PLSCR2: variants seen among roughly 807,000 people sequenced by gnomAD.
PLSCR2 encodes the protein phospholipid scramblase 2.
Under a neutral mutation model 25.3 loss-of-function variants are expected in PLSCR2, and 18 were observed. The observed-to-expected ratio is 0.71, with a 90% CI of 0.49 to 1.06. The LOEUF is 1.06. PLSCR2 is among the 50% of genes least tolerant of loss of function. The probability of loss-of-function intolerance (pLI) is 0.00; values close to 1 mark genes in which losing one functional copy is unlikely to be tolerated. For synonymous variants in PLSCR2, 88 were observed against 87.3 expected (o/e 1.01, Z -0.04); for missense variants, 243 against 269.5 (o/e 0.90, Z 0.69).
intron 1 of PLSCR2, among the ~76,000 whole-genome samples, chr3:146,467,967 G>C (rs1347425661): frequency 6.6e-6 from 1 of 152,072 alleles, no homozygotes; most frequent in Non-Finnish European, 1.5e-5. Context: ...GGTGCACAAG[G>C]GCCAGTTCAC....
chr3:146,460,337 G>C (rs1466735601), exon 1 of PLSCR2: 5 of 469,488 alleles, frequency 1.1e-5, no homozygotes, highest in African/African-American at 1.0e-4. Flanking sequence ...AACTCAGATA[G>C]AAAATATGCT....
intron 1 of PLSCR2, among the ~76,000 whole-genome samples, chr3:146,467,741 G>A (rs2041933276): frequency 6.6e-6 from 1 of 152,020 alleles, no homozygotes; most frequent in Non-Finnish European, 1.5e-5. Flanking sequence ...TTGGAGTAGT[G>A]GTGGCATTGT....
At chr3:146,423,234 CCTCT>C (rs200145864) in intron 2 of PLSCR2, among the ~76,000 whole-genome samples, 1,086 of 53,456 alleles carry the variant, frequency 0.02, 32 homozygotes, top group African/African-American at 0.059. Flanking sequence ...CCTTGCAGTG[CCTCT>C]CTCTCTCTCT....
downstream of PLSCR2, among the ~76,000 whole-genome samples, chr3:146,431,819 C>T (rs750138878): frequency 6.7e-6 from 1 of 149,992 alleles, no homozygotes; most frequent in Admixed American, 6.7e-5. Flanking sequence ...ACACAATTCA[C>T]AGGCCAAAAG....
At position 146,483,475 on chromosome 3, in the gene PLSCR2, A is replaced by ACG. The variant is rs1553791503; in HGVS notation, c.-293+12419_-293+12420insCG. On this transcript the variant is annotated intron_variant, in intron 1 of 8. Coordinates refer to the PLSCR2 transcript ENST00000336685. ...TATGTATATATATATATATATATAC[A>ACG]TGTGTATATATATATATATATATAT... Among the ~76,000 whole-genome samples the ACG allele has an allele frequency of 1.6e-3, 64 of 39,828 alleles. 3 individuals carry two copies. The highest frequency in any genetic ancestry group is 6.0e-3 in the African/African-American group (46 of 7,708). The allele number at this position is 39,828 out of a possible 152,430, so 26.1% of individuals were successfully genotyped here.
chr3:146,471,405 G>A (rs2042116171), intron 1 of PLSCR2, among the ~76,000 whole-genome samples: 1 of 151,822 alleles, frequency 6.6e-6, no homozygotes. Context: ...TGAGATTGAG[G>A]ACTTTTTCAT....
At chr3:146,483,315 G>A (rs2903690) in intron 1 of PLSCR2, among the ~76,000 whole-genome samples, 44,339 of 142,146 alleles carry the variant, frequency 0.31, 7,261 homozygotes, top group South Asian at 0.4. Context: ...ATAGCATTAG[G>A]AGAAATACCA....
At chr3:146,470,958 AATG>A (rs2042095296) in intron 1 of PLSCR2, among the ~76,000 whole-genome samples, 1 of 152,214 alleles carries the variant, frequency 6.6e-6, no homozygotes, top group Admixed American at 6.5e-5. Context: ...AAGAATTTAG[AATG>A]ATGTTTGCCA....
chr3:146,484,777 G>C (rs1218206935), intron 1 of PLSCR2, among the ~76,000 whole-genome samples: 2 of 151,990 alleles, frequency 1.3e-5, no homozygotes, highest in Non-Finnish European at 2.9e-5. Context: ...CCCTGCAAGA[G>C]TTCCTGAAAA....
At chr3:146,441,950 A>G (rs1444101697) in intron 6 of PLSCR2, 129 bp from the exon 7 acceptor site, 2 of 574,918 alleles carry the variant, frequency 3.5e-6, no homozygotes, top group African/African-American at 3.9e-5. Context: ...TATAATAAGT[A>G]ATGTGAGAAA....
chr3:146,460,331 CAGA>C, exon 1 of PLSCR2: 5 of 548,074 alleles, frequency 9.1e-6, no homozygotes, highest in Non-Finnish European at 1.3e-5. Context: ...ATGTAAAACT[CAGA>C]TAGAAAATAT....
At chr3:146,439,233 G>A (rs1224492890), downstream of PLSCR2, among the ~76,000 whole-genome samples, 1 of 152,136 alleles carries the variant, frequency 6.6e-6, no homozygotes, top group African/African-American at 2.4e-5. Flanking sequence ...CAACTTTGGT[G>A]AATCTGACAA....
chr3:146,441,891 G>A, intron 6 of PLSCR2, 70 bp from the exon 7 acceptor site: 1 of 934,186 alleles, frequency 1.1e-6, no homozygotes, highest in Non-Finnish European at 1.7e-6. Flanking sequence ...GAAATGCTAA[G>A]GGATCTGATG....
intron 5 of PLSCR2, among the ~76,000 whole-genome samples, chr3:146,451,808 A>C (rs984923178): frequency 1.3e-5 from 2 of 152,230 alleles, no homozygotes; most frequent in Non-Finnish European, 2.9e-5. Flanking sequence ...ACAGGTTCAA[A>C]GGCTTTCTGG....
chr3:146,469,105 T>C, intron 1 of PLSCR2: 2 of 984,738 alleles, frequency 2.0e-6, no homozygotes, highest in Non-Finnish European at 2.4e-6. Context: ...GAATACTTAC[T>C]GATAAATGAC....
intron 6 of PLSCR2, among the ~76,000 whole-genome samples, chr3:146,445,738 C>A (rs761692162): frequency 6.6e-6 from 1 of 152,004 alleles, no homozygotes; most frequent in Non-Finnish European, 1.5e-5. Flanking sequence ...AACTTTCTAC[C>A]CTTGTCTCTT....
At chr3:146,464,423 G>A (rs62272689), upstream of PLSCR2, among the ~76,000 whole-genome samples, 1,686 of 152,276 alleles carry the variant, frequency 0.011, 19 homozygotes, top group Non-Finnish European at 0.017. Context: ...ACATGACTCA[G>A]TTTAGGACAT....
At chr3:146,427,569 A>G (rs190187267) in intron 2 of PLSCR2, among the ~76,000 whole-genome samples, 671 of 152,268 alleles carry the variant, frequency 4.4e-3, no homozygotes, top group Non-Finnish European at 6.7e-3. Context: ...TACAAAGCTA[A>G]TGGTCCAGCC....
At chr3:146,493,913 T>C (rs1280004640) in intron 1 of PLSCR2, among the ~76,000 whole-genome samples, 1 of 151,712 alleles carries the variant, frequency 6.6e-6, no homozygotes, top group Non-Finnish European at 1.5e-5. Context: ...AATATGTTTA[T>C]GGTTTTGGGG....
Sources: allele counts gnomAD v4.1 joint callset (sites outside exome capture counted in the v4.1 genomes callset), GRCh38; gene constraint gnomAD v4.1.1; transcripts MANE v1.5; gene names NCBI Gene and HGNC (gene_info 2026-07-23, HGNC 2026-07-21).